FAM98A: variants seen among roughly 807,000 people sequenced by gnomAD.
The protein encoded by FAM98A is protein FAM98A.
FAM98A carries 25 observed loss-of-function variants against 62.9 expected under a neutral mutation model. That is an observed-to-expected ratio of 0.40 (90% CI 0.29 to 0.56). FAM98A has a LOEUF of 0.56. FAM98A is among the 20% of genes least tolerant of loss of function. FAM98A has a pLI of 0.51. For synonymous variants in FAM98A, 252 were observed against 228.6 expected, an observed-to-expected ratio of 1.10 and a Z score of -0.92; for missense variants, 653 against 640.7, an observed-to-expected ratio of 1.02 and a Z score of -0.21.
At chr2:33,590,672 T>C (rs904564147) in intron 3 of FAM98A, among the ~76,000 whole-genome samples, 12 of 152,208 alleles carry the variant, frequency 7.9e-5, no homozygotes, top group Middle Eastern at 3.2e-3. Context: ...TAGTGGTATA[T>C]TCTTGAAAAG....
intron 1 of FAM98A, among the ~76,000 whole-genome samples, chr2:33,598,500 A>C (rs1677868732): frequency 6.6e-6 from 1 of 152,204 alleles, no homozygotes; most frequent in Non-Finnish European, 1.5e-5. Context: ...ACACAATGCA[A>C]AACAAATACG....
intron 2 of FAM98A, among the ~76,000 whole-genome samples, chr2:33,595,059 C>G (rs1028927202): frequency 6.6e-6 from 1 of 152,194 alleles, no homozygotes; most frequent in Non-Finnish European, 1.5e-5. Context: ...AAAGTGTTCT[C>G]TTTCTCCCCA....
At position 33,584,991 on chromosome 2, in the gene FAM98A, A is replaced by T. The variant is rs756649850; in HGVS notation, c.1342T>A (p.Tyr448Asn). ...TCACCATGGTGCCCGCCATCTTGGT[A>T]TCTATTGTCCTGCTGGTAGCCACCA... The part of the protein sequence containing the change: ...QGGGYQQDNR[Y>N]QDGGHHGDRG... The change falls in exon 8 of 8, where the codon TAC (tyrosine) becomes AAC (asparagine). Residue 448 changes from tyrosine (Y) to asparagine (N), a missense_variant. Tyr to Asn is a moderately radical substitution (Grantham distance 143, BLOSUM62 -2). Transcript: ENST00000238823. The T allele has an allele frequency of 6.2e-7, 1 of 1,613,422 alleles. No homozygotes were observed. The highest frequency in any genetic ancestry group is 8.5e-7 in the Non-Finnish European group (1 of 1,179,890).
At chr2:33,589,347 CA>C (rs1386263594) in intron 3 of FAM98A, 3 of 152,138 alleles carry the variant, frequency 2.0e-5, no homozygotes, top group African/African-American at 7.2e-5. Context: ...TTCCCAAGGA[CA>C]TTTCAATTTT....
Position 33,584,112 on chromosome 2 carries a change from A to G in FAM98A, c.*664T>C, listed in dbSNP as rs1353197319. 1 of 152,660 alleles carries G rather than the reference A, an allele frequency of 6.6e-6. No individual in the cohort carries two copies. The highest frequency in any genetic ancestry group is 1.5e-5 in the Non-Finnish European group (1 of 68,078). 9.5% of individuals were successfully genotyped at this position (152,660 alleles called of 1,614,324 possible). ...TGCCTACATGTACTATAGCTTCACAACTTAGTTTGCTTTTATAATCTTTAT... is the reference window on the plus strand; with the variant it reads ...TGCCTACATGTACTATAGCTTCACAGCTTAGTTTGCTTTTATAATCTTTAT... On this transcript the variant is annotated 3_prime_UTR_variant, in exon 8 of 8. Coordinates refer to ENST00000238823, the MANE Select transcript of FAM98A (RefSeq NM_015475.5).
At position 33,592,187 on chromosome 2, in the gene FAM98A, A is replaced by G; in HGVS notation, c.230T>C (p.Leu77Pro). The stretch of plus-strand genomic sequence containing the variant: ...CTCCCCTAGTAGCCCACTCACCTCA[A>G]GCTGGAATTCTTCAGCTTCACTCGG... ...NSPSEAEEFQ[L>P]EVSGLLGEMN... The change falls in exon 3 of 8, where the codon CTT (leucine) becomes CCT (proline). Residue 77 changes from leucine (L) to proline (P), a missense_variant. Coordinates refer to ENST00000238823, the MANE Select transcript of FAM98A (RefSeq NM_015475.5). 6.2e-7 allele frequency: 1 copy of G among 1,612,520 alleles called. No individual in the cohort carries two copies. Among genetic ancestry groups the G allele is most frequent in the Non-Finnish European group, 8.5e-7 (1 of 1,178,872 alleles).
rs1677753645 is a variant in FAM98A at position 33,594,590 on chromosome 2, C to T, written c.202+899G>A. ...ATATATATATATACACACACACACA[C>T]ACACACACACATACATACACACATA... On this transcript the variant is annotated intron_variant, in intron 2 of 7. Coordinates refer to ENST00000238823, the MANE Select transcript of FAM98A (RefSeq NM_015475.5). 2.2e-5 allele frequency among the ~76,000 whole-genome samples: 3 copies of T among 136,754 alleles called. 1 individual carries two copies. The highest frequency in any genetic ancestry group is 7.3e-5 in the Admixed American group (1 of 13,786). 89.7% of individuals were successfully genotyped at this position (136,754 alleles called of 152,430 possible). A position where few individuals can be genotyped will look rare whatever the true frequency, so the allele number is the denominator to read the frequency against.
intron 1 of FAM98A, among the ~76,000 whole-genome samples, chr2:33,595,911 C>T (rs1171791006): frequency 2.0e-5 from 3 of 152,156 alleles, no homozygotes; most frequent in Non-Finnish European, 2.9e-5. Flanking sequence ...AACTTCTGTA[C>T]ATTTACTAAA....
chr2:33,588,410 T>C lies in FAM98A; in HGVS notation c.447A>G (p.Ile149Met). Residue 149 changes from isoleucine (I) to methionine (M), a missense_variant, in exon 4 of 8, where the codon ATA becomes ATG. Physicochemically the swap from Ile to Met is conservative, Grantham distance 10 (BLOSUM62 1). Coordinates refer to ENST00000238823, the MANE Select transcript of FAM98A (RefSeq NM_015475.5). ...GTTTGGACATTCCTAGAGCAATACATATGCCTTTCAACTCTTGAAAGACCT... is the reference window on the plus strand; with the variant it reads ...GTTTGGACATTCCTAGAGCAATACACATGCCTTTCAACTCTTGAAAGACCT... ...GSEVFQELKG[I>M]CIALGMSKPP... is the part of the protein sequence containing the mutation. The C allele has an allele frequency of 1.9e-6, 3 of 1,613,740 alleles. No homozygotes were observed. The highest frequency in any genetic ancestry group is 2.5e-6 in the Non-Finnish European group (3 of 1,179,690).
In FAM98A at chr2:33,585,335, G is replaced by A. The variant is rs1284963396; in HGVS notation, c.998C>T (p.Thr333Ile). The A allele has an allele frequency of 7.4e-6, 12 of 1,613,974 alleles. No homozygotes were observed. The highest frequency in any genetic ancestry group is 1.3e-5 in the African/African-American group (1 of 74,910). Residue 333 changes from threonine to isoleucine, a missense_variant, in exon 8 of 8, where the codon ACA (threonine) becomes ATA (isoleucine). By Grantham distance (89) the Thr-to-Ile change is moderately conservative. Transcript: ENST00000238823. ...ACCTCTCCCTCCTCCTCGGCCTCCTGTTTGCTGCTGGGGGCCATCTTGCCT... is the reference window on the plus strand; with the variant it reads ...ACCTCTCCCTCCTCCTCGGCCTCCTATTTGCTGCTGGGGGCCATCTTGCCT... ...QKRQDGPQQQ[T>I]GGRGGGRGGY...
At chr2:33,586,949 G>C (rs1677570476) in intron 5 of FAM98A, 1 of 514,048 alleles carries the variant, frequency 1.9e-6, no homozygotes, top group Admixed American at 3.4e-5. Context: ...TGAAGTTTTT[G>C]GCTTGAAGGC....
At chr2:33,591,257 T>A (rs1227326214) in intron 3 of FAM98A, among the ~76,000 whole-genome samples, 1 of 151,818 alleles carries the variant, frequency 6.6e-6, no homozygotes, top group Non-Finnish European at 1.5e-5. Context: ...GAAACCATAA[T>A]AGAGTTGTAA....
chr2:33,591,700 T>G (rs1480735207), intron 3 of FAM98A, among the ~76,000 whole-genome samples: 1 of 152,224 alleles, frequency 6.6e-6, no homozygotes, highest in Non-Finnish European at 1.5e-5. Context: ...GAAATGAATT[T>G]CTAAACAAAA....
At chr2:33,597,852 T>C (rs1278596197) in intron 1 of FAM98A, among the ~76,000 whole-genome samples, 5 of 152,164 alleles carry the variant, frequency 3.3e-5, no homozygotes, top group Non-Finnish European at 2.9e-5. Flanking sequence ...CACCTCACCT[T>C]GTACTCTAAG....
intron 2 of FAM98A, among the ~76,000 whole-genome samples, chr2:33,592,808 T>C (rs1240396601): frequency 6.6e-6 from 1 of 152,230 alleles, no homozygotes; most frequent in Non-Finnish European, 1.5e-5. Context: ...TTAGGTTTGT[T>C]CTTCCTAGCA....
chr2:33,585,316 C>CCCT lies in FAM98A; in HGVS notation c.1014_1016dup (p.Gly339dup), dbSNP rs1204981994. On this transcript the variant is annotated inframe_insertion, in exon 8 of 8. Coordinates refer to ENST00000238823, the MANE Select transcript of FAM98A (RefSeq NM_015475.5). ...ATGAGGAATGTTCATAGCCACCTCT[C>CCCT]CCTCCTCCTCGGCCTCCTGTTTGCT... The CCCT allele has an allele frequency of 1.9e-6, 3 of 1,613,976 alleles. No individual in the cohort carries two copies. The highest frequency in any genetic ancestry group is 4.5e-5 in the East Asian group (2 of 44,880).
At chr2:33,587,431 G>T in intron 4 of FAM98A, 111 bp from the exon 5 acceptor site, 1 of 816,082 alleles carries the variant, frequency 1.2e-6, no homozygotes, top group Non-Finnish European at 2.0e-6. Context: ...CAGAGGCAAA[G>T]GTGGAGGATG....
Position 33,585,241 on chromosome 2 carries a change from A to C in FAM98A, c.1092T>G (p.Gly364=). ...CCCCTCGGCCACCATGGTCATAGCC[A>C]CCACGTCCACCTCTCCCGCCTCCTT... ...HEQGGGRGGR[G]GYDHGGRGGG... is the part of the protein sequence containing the mutation. The change falls in exon 8 of 8, where the codon GGT becomes GGG. Residue 364 remains glycine (G), a synonymous_variant. Coordinates refer to ENST00000238823, the MANE Select transcript of FAM98A (RefSeq NM_015475.5). 1 of 1,613,906 alleles carries C rather than the reference A, an allele frequency of 6.2e-7. No individual in the cohort carries two copies. The highest frequency in any genetic ancestry group is 8.5e-7 in the Non-Finnish European group (1 of 1,179,986).
chr2:33,592,035 C>G, intron 3 of FAM98A, 45 bp downstream of exon 3: 1 of 1,534,482 alleles, frequency 6.5e-7, no homozygotes, highest in Non-Finnish European at 8.9e-7. Flanking sequence ...TCATGGAAAA[C>G]ATAAACAGAA....
Sources: gnomAD v4.1 joint callset for allele counts (sites outside exome capture counted in the v4.1 genomes callset) on GRCh38, gnomAD v4.1.1 for gene constraint, MANE v1.5 for transcripts, NCBI Gene and HGNC (gene_info 2026-07-23, HGNC 2026-07-21) for gene names.